The following ZNF611 variants were observed in gnomAD, a reference collection of about 807,000 sequenced individuals.
ZNF611 encodes the protein zinc finger protein 611.
ZNF611 carries 6 observed loss-of-function variants against 8.9 expected under a neutral mutation model. The ratio of observed to expected loss-of-function variants is 0.68; its 90% CI spans 0.37 to 1.34. ZNF611 has a LOEUF of 1.34. Among genes scored for constraint, ZNF611 ranks in the 40% most tolerant of loss-of-function variants. The pLI is 0.02. For missense variants in ZNF611, 874 were observed against 841.3 expected (o/e 1.04, Z -0.48); for synonymous variants, 262 against 279.7 (o/e 0.94, Z 0.63).
intron 5 of ZNF611, 124 bp downstream of exon 5, chr19:52,713,891 C>T: frequency 6.5e-7 from 1 of 1,542,684 alleles, no homozygotes; most frequent in East Asian, 2.3e-5. Flanking sequence ...AACACCATCT[C>T]AAAAACAAAA....
At position 52,715,839 on chromosome 19, in the gene ZNF611, A is replaced by G. The variant is rs146326681; in HGVS notation, c.56T>C (p.Leu19Pro). 294 of 1,612,486 alleles carry G rather than the reference A, an allele frequency of 1.8e-4. 2 individuals are homozygous for G. In the African/African-American group the frequency reaches 3.2e-3, roughly 18 times the overall value. ...AGAGGAATATCACTTCACCTGAGGA[A>G]GAGCCATGCCTGGCTCCTTTCCTTT... is the stretch of plus-strand genomic sequence containing the variant. ...KRKGKEPGMA[L>P]PQGRLTFRDV... Residue 19 changes from leucine (L) to proline (P), a missense_variant, in exon 4 of 6, where the codon CTT becomes CCT. Transcript: ENST00000652185.
Position 52,706,216 on chromosome 19 carries a change from C to A in ZNF611, c.839G>T (p.Cys280Phe). ...CTTGTAAGGTTTCTCAACAGTGTGA[C>A]ATCTATCATGGCATGCAAGGTATTG... ...HEQYLACHDR[C>F]HTVEKPYKCK... The change falls in exon 6 of 6, where the codon TGT becomes TTT. Residue 280 changes from cysteine (C) to phenylalanine (F), a missense_variant. By Grantham distance (205) the Cys-to-Phe change is radical. Transcript: ENST00000652185. 1 of 1,614,162 alleles carries A rather than the reference C, an allele frequency of 6.2e-7. No individual in the cohort carries two copies. Among genetic ancestry groups the A allele is most frequent in the African/African-American group, 1.3e-5 (1 of 75,056 alleles).
chr19:52,708,471 C>G (rs1308602555), intron 5 of ZNF611: 1 of 152,176 alleles, frequency 6.6e-6, no homozygotes, highest in Non-Finnish European at 1.5e-5. Context: ...GCACTCTAGC[C>G]TGGGTGACAG....
chr19:52,709,512 C>A (rs1299550474), intron 5 of ZNF611, among the ~76,000 whole-genome samples: 1 of 152,126 alleles, frequency 6.6e-6, no homozygotes, highest in Non-Finnish European at 1.5e-5. Context: ...ACCTCATGAT[C>A]CGCCCTCCTC....
chr19:52,705,315 G>GTA lies in ZNF611; in HGVS notation c.1738_1739dup (p.Leu581ThrfsTer145). On this transcript the variant is annotated frameshift_variant, in exon 6 of 6. Transcript: ENST00000652185. LOFTEE classifies it low-confidence loss of function (END_TRUNC). ...TATGAACTCTATGATGGCATACAAG[G>GTA]TATGACCTGTGACTGAAGGTCTTGC... 6.2e-7 allele frequency: 1 copy of GTA among 1,613,936 alleles called. No homozygotes were observed. The highest frequency in any genetic ancestry group is 8.5e-7 in the Non-Finnish European group (1 of 1,179,974).
At chr19:52,719,530 A>G (rs544886241) in intron 3 of ZNF611, among the ~76,000 whole-genome samples, 8 of 152,244 alleles carry the variant, frequency 5.3e-5, no homozygotes, top group Middle Eastern at 3.4e-3. Context: ...AATTTAAACT[A>G]ATTTTAAATT....
intron 5 of ZNF611, among the ~76,000 whole-genome samples, chr19:52,711,598 T>C (rs559394822): frequency 1.1e-3 from 162 of 151,830 alleles, no homozygotes; most frequent in African/African-American, 3.4e-3. Flanking sequence ...TCAAGGGGGA[T>C]ACAAGGACTG....
Position 52,704,287 on chromosome 19 carries a change from T to G in ZNF611, c.*650A>C, listed in dbSNP as rs1600302784. 1.9e-6 allele frequency: 1 copy of G among 528,902 alleles called. No homozygotes were observed. Among genetic ancestry groups the G allele is most frequent in the South Asian group, 1.5e-5 (1 of 65,978 alleles). The allele number at this position is 528,902 out of a possible 1,614,324, so 32.8% of individuals were successfully genotyped here. The stretch of plus-strand genomic sequence containing the variant: ...TCATTGGGAACGGTTATCTCAAAAA[T>G]GAATTTTCTGATGTTCTGCATGGAG... On this transcript the variant is annotated 3_prime_UTR_variant, in exon 6 of 6. Coordinates refer to ENST00000652185, the MANE Select transcript of ZNF611 (RefSeq NM_001161499.2).
At position 52,704,356 on chromosome 19, in the gene ZNF611, G is replaced by A. The variant is rs749568697; in HGVS notation, c.*581C>T. 38 of 621,716 alleles carry A rather than the reference G, an allele frequency of 6.1e-5. No homozygotes were observed. The highest frequency in any genetic ancestry group is 3.1e-6 in the Non-Finnish European group (1 of 319,902). The allele number at this position is 621,716 out of a possible 1,614,324, so 38.5% of individuals were successfully genotyped here. A position where few individuals can be genotyped will look rare whatever the true frequency, so the allele number is the denominator to read the frequency against. On this transcript the variant is annotated 3_prime_UTR_variant, in exon 6 of 6. Coordinates refer to ENST00000652185, the MANE Select transcript of ZNF611 (RefSeq NM_001161499.2). ...CTTGCCACACTGATGACATTTGTAA[G>A]ATTTCTGTCCAGTATAGATTCTCTG...
At chr19:52,721,307 C>T in intron 3 of ZNF611, 1 of 182,696 alleles carries the variant, frequency 5.5e-6, no homozygotes, top group Admixed American at 6.3e-5. Context: ...ATAATCTCAG[C>T]ACTTTGGGAG....
chr19:52,728,539 C>T (rs1172672745), intron 3 of ZNF611, among the ~76,000 whole-genome samples, 191 bp downstream of exon 3: 1 of 150,276 alleles, frequency 6.7e-6, no homozygotes, highest in Non-Finnish European at 1.5e-5. Context: ...ACTCCATGTC[C>T]GAGAAAGAAA....
intron 2 of ZNF611, among the ~76,000 whole-genome samples, chr19:52,729,455 TGCATTCCA>T (rs1435514464): frequency 8.5e-6 from 1 of 118,046 alleles, no homozygotes; most frequent in Non-Finnish European, 1.6e-5. Flanking sequence ...ATTGCGCCAC[TGCATTCCA>T]GCCTGGGTGA....
At chr19:52,722,912 T>TG in intron 3 of ZNF611, among the ~76,000 whole-genome samples, 1 of 149,902 alleles carries the variant, frequency 6.7e-6, no homozygotes, top group Admixed American at 6.7e-5. Flanking sequence ...TTCGTTTTTT[T>TG]TTTTTTTTTT....
chr19:52,724,946 T>C (rs2062382305), intron 3 of ZNF611, among the ~76,000 whole-genome samples: 1 of 152,192 alleles, frequency 6.6e-6, no homozygotes, highest in East Asian at 1.9e-4. Flanking sequence ...TTTTGCTGTC[T>C]CTTGGCAAAT....
chr19:52,724,086 A>G (rs1382631387), intron 3 of ZNF611: 1 of 152,260 alleles, frequency 6.6e-6, no homozygotes, highest in Non-Finnish European at 1.5e-5. Context: ...AACTGCAAAG[A>G]GGGCTATCTC....
At chr19:52,718,269 G>A (rs1012493707) in intron 3 of ZNF611, among the ~76,000 whole-genome samples, 6 of 152,148 alleles carry the variant, frequency 3.9e-5, no homozygotes, top group Non-Finnish European at 8.8e-5. Context: ...AACCCCAGGA[G>A]ATGAAGGTTG....
intron 3 of ZNF611, among the ~76,000 whole-genome samples, chr19:52,720,013 A>C (rs1404152388): frequency 6.6e-6 from 1 of 152,124 alleles, no homozygotes; most frequent in Admixed American, 6.6e-5. Flanking sequence ...AACAAAGCAC[A>C]TCTTGCACCG....
chr19:52,725,741 A>G (rs1464710527), intron 3 of ZNF611, among the ~76,000 whole-genome samples: 2 of 151,994 alleles, frequency 1.3e-5, no homozygotes, highest in African/African-American at 4.8e-5. Flanking sequence ...TAGGACCTTT[A>G]CTCCACGTGA....
At position 52,704,908 on chromosome 19, in the gene ZNF611, A is replaced by C. The variant is rs73934855; in HGVS notation, c.*29T>G. 26,661 of 1,612,278 alleles carry C rather than the reference A, an allele frequency of 0.017. 402 individuals carry two copies. Among genetic ancestry groups the C allele is most frequent in the African/African-American group, 0.078 (5,812 of 74,878 alleles). On this transcript the variant is annotated 3_prime_UTR_variant, in exon 6 of 6. Transcript: ENST00000652185. ...TATGTCTTTAAGGTGTGATTTCCAA[A>C]TGGAAACTTTGTCACATGCTTCACA... is the stretch of plus-strand genomic sequence containing the variant.
Sources: gnomAD v4.1 joint callset for allele counts (sites outside exome capture counted in the v4.1 genomes callset) on GRCh38, gnomAD v4.1.1 for gene constraint, MANE v1.5 for transcripts, NCBI Gene and HGNC (gene_info 2026-07-23, HGNC 2026-07-21) for gene names.